DSCAM: variants seen among roughly 807,000 people sequenced by gnomAD.
DSCAM encodes cell adhesion molecule DSCAM.
In DSCAM, 47 loss-of-function variants were observed where a neutral mutation model predicts 217.7. The ratio of observed to expected loss-of-function variants is 0.22; its 90% confidence interval spans 0.17 to 0.28. DSCAM has a LOEUF of 0.28. Among genes scored for constraint, DSCAM ranks in the 10% least tolerant of loss-of-function variants. The pLI, the probability that DSCAM is intolerant of heterozygous loss-of-function variation, is 1.00. For missense variants in DSCAM, 2,080 were observed against 2,618.3 expected (o/e 0.79, Z 4.49); for synonymous variants, 1,056 against 1,015.3 (o/e 1.04, Z -0.76).
At chr21:40,536,352 C>T (rs181290973) in intron 3 of DSCAM, among the ~76,000 whole-genome samples, 34 of 151,748 alleles carry the variant, frequency 2.2e-4, no homozygotes, top group African/African-American at 8.2e-4. Context: ...CAAAGGTTTT[C>T]CAATACTCTA....
chr21:40,844,523 T>C (rs1197029864), intron 1 of DSCAM, among the ~76,000 whole-genome samples: 1 of 152,252 alleles, frequency 6.6e-6, no homozygotes, highest in African/African-American at 2.4e-5. Flanking sequence ...CTATATTTAT[T>C]ACAATAATGG....
At chr21:40,751,155 C>T (rs1195884009) in intron 1 of DSCAM, among the ~76,000 whole-genome samples, 1 of 152,154 alleles carries the variant, frequency 6.6e-6, no homozygotes, top group African/African-American at 2.4e-5. Flanking sequence ...CTCTTCCACC[C>T]CCGCTGACAT....
intron 20 of DSCAM, among the ~76,000 whole-genome samples, chr21:40,108,586 T>A (rs1048433023): frequency 1.1e-4 from 16 of 152,158 alleles, no homozygotes; most frequent in Non-Finnish European, 2.4e-4. Flanking sequence ...CCACGCAACT[T>A]ATAGATTCAT....
intron 13 of DSCAM, among the ~76,000 whole-genome samples, chr21:40,187,483 C>T (rs2090908018): frequency 6.6e-6 from 1 of 152,162 alleles, no homozygotes; most frequent in Non-Finnish European, 1.5e-5. Context: ...TGGACCAAGC[C>T]TGGAGGATAT....
Position 40,178,869 on chromosome 21 carries a change from C to T in DSCAM, c.2947+58G>A, listed in dbSNP as rs190886165. ...CTGCTTCTGCATTTAAGCATCTGAG[C>T]CCTCAAGAGTTAGCTCCCGGGCTCC... On this transcript the variant is annotated intron_variant, in intron 15 of 32. Coordinates refer to ENST00000400454, the MANE Select transcript of DSCAM (RefSeq NM_001389.5). The T allele has an allele frequency of 3.7e-6, 6 of 1,604,682 alleles. No individual in the cohort carries two copies. In the South Asian group the frequency reaches 4.4e-5, roughly 12 times the overall value.
intron 3 of DSCAM, among the ~76,000 whole-genome samples, chr21:40,538,162 C>T (rs1463198093): frequency 6.6e-6 from 1 of 152,170 alleles, no homozygotes; most frequent in East Asian, 1.9e-4. Flanking sequence ...GCCTCTCTCC[C>T]ATCGGTCACT....
At chr21:40,301,508 T>C (rs902912120) in intron 9 of DSCAM, among the ~76,000 whole-genome samples, 2 of 138,680 alleles carry the variant, frequency 1.4e-5, no homozygotes, top group African/African-American at 3.1e-5. Context: ...ATTTGCATCT[T>C]AGCTTAGCAC....
At position 40,184,971 on chromosome 21, in the gene DSCAM, C is replaced by T. The variant is rs182419652; in HGVS notation, c.2779+2160G>A. Among the ~76,000 whole-genome samples, 395 of 152,246 alleles carry T rather than the reference C, an allele frequency of 2.6e-3. 3 individuals carry two copies. In the Middle Eastern group the frequency reaches 0.027, roughly 10 times the overall value. On this transcript the variant is annotated intron_variant, in intron 14 of 32. Coordinates refer to ENST00000400454, the MANE Select transcript of DSCAM (RefSeq NM_001389.5). The stretch of plus-strand genomic sequence containing the variant: ...ACGAGGAAGGCGTTTTCAATGTCTT[C>T]CCTTCTTAGAGTTCACCAATTTCCA...
intron 11 of DSCAM, among the ~76,000 whole-genome samples, chr21:40,195,516 G>A (rs917437082): frequency 3.3e-5 from 5 of 152,102 alleles, no homozygotes; most frequent in Admixed American, 2.0e-4. Context: ...GACTCTGATC[G>A]GTCCTATTTG....
At chr21:40,198,017 C>T (rs1412291910) in intron 11 of DSCAM, among the ~76,000 whole-genome samples, 1 of 152,124 alleles carries the variant, frequency 6.6e-6, no homozygotes, top group African/African-American at 2.4e-5. Flanking sequence ...CCTTGGAAGC[C>T]CCTCAGTCTG....
chr21:40,227,949 GTCT>G (rs1164402002), intron 11 of DSCAM, among the ~76,000 whole-genome samples: 1 of 152,150 alleles, frequency 6.6e-6, no homozygotes, highest in African/African-American at 2.4e-5. Flanking sequence ...CTGCCATCAT[GTCT>G]TCTTAAGCTC....
chr21:40,072,926 A>C (rs1274302406), intron 27 of DSCAM, among the ~76,000 whole-genome samples: 1 of 152,184 alleles, frequency 6.6e-6, no homozygotes, highest in Non-Finnish European at 1.5e-5. Flanking sequence ...TACCAAAACC[A>C]ACTGCAAAAC....
rs2091545877 is a variant in DSCAM, at chr21:40,781,724, C to A, written c.43+64895G>T. ...CTTTGCATTTCCATAGAAACCACCC[C>A]AACCCAGGCCATTATTGCTTCTCAA... On this transcript the variant is annotated intron_variant, in intron 1 of 32. Transcript: ENST00000400454. 3.9e-5 allele frequency among the ~76,000 whole-genome samples: 6 copies of A among 152,206 alleles called. No individual in the cohort carries two copies. In the South Asian group the frequency reaches 1.2e-3, roughly 32 times the overall value.
intron 11 of DSCAM, among the ~76,000 whole-genome samples, chr21:40,191,681 G>A (rs527523475): frequency 3.7e-4 from 57 of 152,206 alleles, no homozygotes; most frequent in South Asian, 1.2e-3. Flanking sequence ...TTCTCTCACA[G>A]TTCTGGAGGC....
intron 1 of DSCAM, among the ~76,000 whole-genome samples, chr21:40,790,450 T>G (rs550531875): frequency 5.9e-5 from 9 of 152,222 alleles, no homozygotes; most frequent in Non-Finnish European, 1.3e-4. Context: ...TGGCCCTGAT[T>G]AGAGTTTACT....
At chr21:40,757,367 T>C (rs1020675912) in intron 1 of DSCAM, among the ~76,000 whole-genome samples, 58 of 152,326 alleles carry the variant, frequency 3.8e-4, no homozygotes, top group African/African-American at 9.4e-4. Flanking sequence ...TAAAAGGTCA[T>C]GTCACTCAGC....
intron 1 of DSCAM, among the ~76,000 whole-genome samples, chr21:40,813,063 G>A (rs750093735): frequency 3.3e-5 from 5 of 152,166 alleles, no homozygotes; most frequent in Admixed American, 6.5e-5. Flanking sequence ...AATGGGTTTC[G>A]ACATGTCTTC....
intron 1 of DSCAM, among the ~76,000 whole-genome samples, chr21:40,767,735 A>G (rs2091406193): frequency 6.6e-6 from 1 of 152,222 alleles, no homozygotes; most frequent in Admixed American, 6.5e-5. Flanking sequence ...TTTGGTCCTG[A>G]GCATCACAGC....
In DSCAM at chr21:40,101,789, G is replaced by T. The variant is rs57921150; in HGVS notation, c.3697-7915C>A. On this transcript the variant is annotated intron_variant, in intron 20 of 32. Coordinates refer to ENST00000400454, the MANE Select transcript of DSCAM (RefSeq NM_001389.5). ...TGGTTTTTACTGTGGGAGGTGGTGG[G>T]GGGGGGTCCAGGCAGACACTGCTGC... 2.0e-3 allele frequency among the ~76,000 whole-genome samples: 297 copies of T among 151,922 alleles called. 1 individual carries two copies. The highest frequency in any genetic ancestry group is 0.01 in the South Asian group (49 of 4,806).
Sources: allele counts gnomAD v4.1 joint callset (sites outside exome capture counted in the v4.1 genomes callset), GRCh38; gene constraint gnomAD v4.1.1; transcripts MANE v1.5; gene names NCBI Gene and HGNC (gene_info 2026-07-23, HGNC 2026-07-21).